Variants in SPIN1 observed in about 807,000 individuals in gnomAD.
SPIN1 encodes spindlin-1.
Under a neutral mutation model 26.0 loss-of-function variants are expected in SPIN1, and 3 were observed. That is an observed-to-expected ratio of 0.12 (90% CI 0.05 to 0.30). The LOEUF (loss-of-function observed/expected upper bound fraction) is 0.30, where lower values mean the gene tolerates loss of function less well. SPIN1 is among the 10% of genes least tolerant of loss of function. The pLI is 1.00. For synonymous variants in SPIN1, 101 were observed against 116.5 expected (o/e 0.87, Z 0.86); for missense variants, 126 against 333.4 (o/e 0.38, Z 4.84).
intron 1 of SPIN1, among the ~76,000 whole-genome samples, chr9:88,390,667 G>T (rs1470596638): frequency 6.6e-6 from 1 of 152,166 alleles, no homozygotes; most frequent in Non-Finnish European, 1.5e-5. Context: ...TGGAAGAAGA[G>T]AATCAACTAT....
intron 1 of SPIN1, among the ~76,000 whole-genome samples, chr9:88,422,841 C>T (rs1827696856): frequency 6.6e-6 from 1 of 151,976 alleles, no homozygotes; most frequent in Non-Finnish European, 1.5e-5. Context: ...TCTGGAGTAG[C>T]TGGGATTACA....
At chr9:88,399,984 C>T (rs1827152274) in intron 1 of SPIN1, among the ~76,000 whole-genome samples, 1 of 152,198 alleles carries the variant, frequency 6.6e-6, no homozygotes, top group Non-Finnish European at 1.5e-5. Flanking sequence ...TGGTCAGATT[C>T]TGTTTAAGCT....
At chr9:88,404,608 A>G (rs1340286012) in intron 1 of SPIN1, among the ~76,000 whole-genome samples, 1 of 152,058 alleles carries the variant, frequency 6.6e-6, no homozygotes, top group Non-Finnish European at 1.5e-5. Context: ...TACTTTTTAA[A>G]CTTTTTGTTA....
chr9:88,430,471 A>G (rs2118041428), intron 2 of SPIN1, among the ~76,000 whole-genome samples: 1 of 152,338 alleles, frequency 6.6e-6, no homozygotes, highest in Non-Finnish European at 1.5e-5. Context: ...GGGAGGGAGC[A>G]TAGACACTAT....
intron 4 of SPIN1, among the ~76,000 whole-genome samples, chr9:88,463,880 A>G (rs1017322438): frequency 2.6e-5 from 4 of 152,214 alleles, no homozygotes; most frequent in Non-Finnish European, 5.9e-5. Context: ...CTTCTTGATC[A>G]TGGCATTAAT....
At chr9:88,435,691 G>T (rs1158328600) in intron 2 of SPIN1, among the ~76,000 whole-genome samples, 1 of 151,944 alleles carries the variant, frequency 6.6e-6, no homozygotes, top group Admixed American at 6.6e-5. Flanking sequence ...TTTTACATCA[G>T]AGTTATTAAC....
chr9:88,437,220 G>A (rs1378217989), intron 2 of SPIN1, among the ~76,000 whole-genome samples: 7 of 152,086 alleles, frequency 4.6e-5, no homozygotes, highest in East Asian at 1.9e-4. Flanking sequence ...GCTATAGGCC[G>A]GGGGTGGTGG....
chr9:88,468,192 T>C (rs1385533627), intron 4 of SPIN1, among the ~76,000 whole-genome samples, 180 bp from the exon 5 acceptor site: 1 of 152,178 alleles, frequency 6.6e-6, no homozygotes, highest in Non-Finnish European at 1.5e-5. Flanking sequence ...ATCTCTGAGC[T>C]GGGGCCCAGT....
At chr9:88,457,325 T>C (rs1352839097) in intron 3 of SPIN1, among the ~76,000 whole-genome samples, 4 of 151,916 alleles carry the variant, frequency 2.6e-5, no homozygotes, top group African/African-American at 9.7e-5. Context: ...AGGCCAGGAG[T>C]TTGAGCCAGC....
intron 1 of SPIN1, among the ~76,000 whole-genome samples, chr9:88,401,470 A>G (rs1485335055): frequency 6.6e-6 from 1 of 152,190 alleles, no homozygotes; most frequent in African/African-American, 2.4e-5. Flanking sequence ...AAATCCATGG[A>G]TGCTCAAGTT....
Position 88,457,984 on chromosome 9 carries a change from T to C in SPIN1, c.102-4512T>C, listed in dbSNP as rs1828503737. ...GCCAGGTAAGGTTTTAAGTTTTTCT[T>C]TTACTAAGGATTTTTTCTTGTTTGG... On this transcript the variant is annotated intron_variant, in intron 3 of 5. Coordinates refer to ENST00000375859, the MANE Select transcript of SPIN1 (RefSeq NM_006717.3). The C allele has an allele frequency of 5.1e-6, 5 of 985,252 alleles. No homozygotes were observed. In the South Asian group the frequency reaches 2.3e-4, roughly 46 times the overall value. 61.0% of individuals were successfully genotyped at this position (985,252 alleles called of 1,614,324 possible).
rs191358112 is a variant in SPIN1, at chr9:88,414,456, G to T, written c.-158-11926G>T. On this transcript the variant is annotated intron_variant, in intron 1 of 5. Coordinates refer to ENST00000375859, the MANE Select transcript of SPIN1 (RefSeq NM_006717.3). ...TTTAAAGGGCACCAACTGGAGCTGGGACAAAGGCCATCCAGTCTCTCTGTT... is the reference window on the plus strand; with the variant it reads ...TTTAAAGGGCACCAACTGGAGCTGGTACAAAGGCCATCCAGTCTCTCTGTT... Among the ~76,000 whole-genome samples the T allele has an allele frequency of 3.2e-3, 481 of 152,288 alleles. 2 individuals carry two copies. Among genetic ancestry groups the T allele is most frequent in the Admixed American group, 4.8e-3 (73 of 15,296 alleles).
At chr9:88,474,743 A>AT (rs577892045) in intron 5 of SPIN1, among the ~76,000 whole-genome samples, 5 of 152,178 alleles carry the variant, frequency 3.3e-5, no homozygotes, top group Non-Finnish European at 7.3e-5. Context: ...AATTGTTCAT[A>AT]TATCTAGATG....
At position 88,475,425 on chromosome 9, in the gene SPIN1, A is replaced by G; in HGVS notation, c.*148A>G. The G allele has an allele frequency of 1.4e-6, 1 of 706,594 alleles. No homozygotes were observed. Among genetic ancestry groups the G allele is most frequent in the South Asian group, 2.2e-5 (1 of 44,864 alleles). 43.8% of individuals were successfully genotyped at this position (706,594 alleles called of 1,614,324 possible). On this transcript the variant is annotated 3_prime_UTR_variant, in exon 6 of 6. Transcript: ENST00000375859. ...CAGCAGAACTGGTTTTGTTCTGAAT[A>G]GTACAGATTGATGTGAACACAAAGC... is the stretch of plus-strand genomic sequence containing the variant.
intron 3 of SPIN1, among the ~76,000 whole-genome samples, chr9:88,461,920 T>A (rs1330239777): frequency 6.6e-6 from 1 of 152,234 alleles, no homozygotes; most frequent in Non-Finnish European, 1.5e-5. Flanking sequence ...ACAAGTAATG[T>A]TTCTATAGTG....
chr9:88,414,725 C>T (rs1032681193), intron 1 of SPIN1, among the ~76,000 whole-genome samples: 2 of 152,130 alleles, frequency 1.3e-5, no homozygotes. Flanking sequence ...ACTACTAATA[C>T]TGTGGTTTGT....
intron 3 of SPIN1, among the ~76,000 whole-genome samples, chr9:88,456,252 TATG>T (rs780528378): frequency 1.1e-4 from 16 of 150,836 alleles, no homozygotes; most frequent in Middle Eastern, 3.4e-3. Context: ...GTACTAAAAT[TATG>T]ATGAAATTAT....
intron 3 of SPIN1, among the ~76,000 whole-genome samples, chr9:88,454,181 A>G (rs897895380): frequency 6.6e-6 from 1 of 152,192 alleles, no homozygotes; most frequent in Admixed American, 6.5e-5. Flanking sequence ...GGATGTTACT[A>G]ACTGGTAAAT....
intron 1 of SPIN1, among the ~76,000 whole-genome samples, chr9:88,401,852 T>C (rs1827193695): frequency 6.6e-6 from 1 of 152,244 alleles, no homozygotes; most frequent in African/African-American, 2.4e-5. Context: ...AAAAATACTT[T>C]GCTAAATTCC....
Sources: allele counts gnomAD v4.1 joint callset (sites outside exome capture counted in the v4.1 genomes callset), GRCh38; gene constraint gnomAD v4.1.1; transcripts MANE v1.5; gene names NCBI Gene and HGNC (gene_info 2026-07-23, HGNC 2026-07-21).